PALM2AKAP2: variants seen among roughly 807,000 people sequenced by gnomAD.
PALM2AKAP2 encodes the protein PALM2 and AKAP2 fusion, also known as PALM2-AKAP2 fusion protein.
Under a neutral mutation model 71.5 loss-of-function variants are expected in PALM2AKAP2, and 37 were observed. The observed-to-expected ratio is 0.52, with a 90% CI of 0.40 to 0.68. The LOEUF is 0.68. Among genes scored for constraint, PALM2AKAP2 ranks in the 30% least tolerant of loss-of-function variants. The pLI, the probability that PALM2AKAP2 is intolerant of heterozygous loss-of-function variation, is 0.00. For missense variants in PALM2AKAP2, 1,224 were observed against 1,191.8 expected (o/e 1.03, Z -0.40); for synonymous variants, 468 against 478.8 (o/e 0.98, Z 0.29).
At chr9:109,800,889 C>T (rs904884525) in intron 1 of PALM2AKAP2, among the ~76,000 whole-genome samples, 6 of 152,182 alleles carry the variant, frequency 3.9e-5, no homozygotes, top group South Asian at 2.1e-4. Context: ...GGAAGAATGA[C>T]GTCTTAGGAC....
chr9:109,746,125 T>C (rs982369731), intron 1 of PALM2AKAP2, among the ~76,000 whole-genome samples: 1 of 152,162 alleles, frequency 6.6e-6, no homozygotes, highest in African/African-American at 2.4e-5. Flanking sequence ...CCTTGCCTTA[T>C]ATGGAATTTT....
intron 1 of PALM2AKAP2, among the ~76,000 whole-genome samples, chr9:109,729,850 A>T (rs1199195270): frequency 2.0e-5 from 3 of 152,194 alleles, no homozygotes; most frequent in African/African-American, 7.2e-5. Context: ...AGCATTGTGG[A>T]AATTTGTGGG....
chr9:110,143,864 C>G (rs1836096571), intron 2 of PALM2AKAP2, among the ~76,000 whole-genome samples: 2 of 152,178 alleles, frequency 1.3e-5, no homozygotes, highest in Non-Finnish European at 2.9e-5. Flanking sequence ...TTCATGTCTT[C>G]TAATTTGTGG....
At chr9:109,770,496 A>G (rs1410194) in intron 1 of PALM2AKAP2, among the ~76,000 whole-genome samples, 46,749 of 152,126 alleles carry the variant, frequency 0.31, 9,035 homozygotes, top group African/African-American at 0.53. Flanking sequence ...AGAACACTTT[A>G]TACTTTTGTC....
At chr9:110,085,264 G>T (rs1793897135) in intron 1 of PALM2AKAP2, among the ~76,000 whole-genome samples, 1 of 152,198 alleles carries the variant, frequency 6.6e-6, no homozygotes, top group African/African-American at 2.4e-5. Flanking sequence ...TAAAGTTAAA[G>T]AGAATGTGTA....
At chr9:109,824,534 G>A (rs546421690) in intron 1 of PALM2AKAP2, among the ~76,000 whole-genome samples, 1 of 152,172 alleles carries the variant, frequency 6.6e-6, no homozygotes, top group Non-Finnish European at 1.5e-5. Context: ...GAGCATATTA[G>A]CAAATACCCT....
At chr9:109,707,267 G>A (rs1267179718) in intron 1 of PALM2AKAP2, among the ~76,000 whole-genome samples, 1 of 151,688 alleles carries the variant, frequency 6.6e-6, no homozygotes, top group African/African-American at 2.4e-5. Context: ...TTAGAGAACT[G>A]CCCCCCTACC....
chr9:110,126,975 G>C (rs1413377245), intron 1 of PALM2AKAP2, among the ~76,000 whole-genome samples: 2 of 152,218 alleles, frequency 1.3e-5, no homozygotes, highest in East Asian at 1.9e-4. Context: ...TGTGGGTCAA[G>C]ACACAGGGAA....
At chr9:109,959,817 T>C (rs1008074147) in intron 6 of PALM2AKAP2, among the ~76,000 whole-genome samples, 13 of 152,050 alleles carry the variant, frequency 8.5e-5, no homozygotes, top group South Asian at 2.1e-4. Flanking sequence ...ATTTCCCTCA[T>C]TGAATGTTGG....
At chr9:109,929,625 G>A (rs1831043763) in intron 5 of PALM2AKAP2, among the ~76,000 whole-genome samples, 1 of 152,034 alleles carries the variant, frequency 6.6e-6, no homozygotes, top group Non-Finnish European at 1.5e-5. Context: ...AGCACTTTGG[G>A]AGGCCGAGGC....
intron 1 of PALM2AKAP2, among the ~76,000 whole-genome samples, chr9:110,086,877 A>T (rs181211189): frequency 1.8e-3 from 268 of 152,304 alleles, no homozygotes; most frequent in African/African-American, 6.2e-3. Flanking sequence ...TTGCCCTAGG[A>T]AGAAGACCCC....
chr9:109,907,672 T>C (rs766931736), intron 3 of PALM2AKAP2, among the ~76,000 whole-genome samples: 1 of 152,184 alleles, frequency 6.6e-6, no homozygotes, highest in Non-Finnish European at 1.5e-5. Flanking sequence ...GCTTCCTGAT[T>C]GGCTTGATCT....
chr9:109,998,611 A>G (rs1227798761), intron 6 of PALM2AKAP2, among the ~76,000 whole-genome samples: 1 of 114,002 alleles, frequency 8.8e-6, no homozygotes, highest in Non-Finnish European at 1.6e-5. Flanking sequence ...TTAATATGGT[A>G]CTTTCTGACC....
At chr9:110,170,261 T>A (rs1293371812) in exon 4 of PALM2AKAP2, 1 of 152,504 alleles carries the variant, frequency 6.6e-6, no homozygotes, top group Non-Finnish European at 1.5e-5. Context: ...AAAACTGTGG[T>A]TTTTTAAAAA....
intron 1 of PALM2AKAP2, among the ~76,000 whole-genome samples, chr9:109,704,534 G>A (rs1171541372): frequency 6.6e-6 from 1 of 152,190 alleles, no homozygotes; most frequent in African/African-American, 2.4e-5. Context: ...GATGGAAAAT[G>A]TTTCCACCCT....
At chr9:109,678,010 T>G (rs1240693424) in intron 1 of PALM2AKAP2, among the ~76,000 whole-genome samples, 2 of 152,216 alleles carry the variant, frequency 1.3e-5, no homozygotes, top group South Asian at 4.1e-4. Context: ...GCAAATTGCC[T>G]CTAAGCTTGT....
intron 1 of PALM2AKAP2, among the ~76,000 whole-genome samples, chr9:109,729,361 C>CATA (rs1026155457): frequency 1.3e-5 from 2 of 152,158 alleles, no homozygotes; most frequent in Non-Finnish European, 2.9e-5. Flanking sequence ...TCTCTGAAAA[C>CATA]ATAAGTGCAG....
chr9:110,055,335 A>G (rs1833812308), intron 1 of PALM2AKAP2, among the ~76,000 whole-genome samples: 1 of 152,122 alleles, frequency 6.6e-6, no homozygotes, highest in Admixed American at 6.6e-5. Context: ...AGCTGGGATT[A>G]CAGGCGTGTG....
At chr9:109,915,615 T>A (rs1830668485) in intron 3 of PALM2AKAP2, among the ~76,000 whole-genome samples, 1 of 152,078 alleles carries the variant, frequency 6.6e-6, no homozygotes, top group Non-Finnish European at 1.5e-5. Context: ...GAGTTGCAGA[T>A]TTTTTTACTT....
Sources: gnomAD v4.1 joint callset for allele counts (sites outside exome capture counted in the v4.1 genomes callset) on GRCh38, gnomAD v4.1.1 for gene constraint, MANE v1.5 for transcripts, NCBI Gene and HGNC (gene_info 2026-07-23, HGNC 2026-07-21) for gene names.